LYPD5: variants seen among roughly 807,000 people sequenced by gnomAD.
LYPD5 encodes ly6/PLAUR domain-containing protein 5.
In LYPD5, 21 loss-of-function variants were observed where a neutral mutation model predicts 19.1. The ratio of observed to expected loss-of-function variants is 1.10; its 90% CI spans 0.78 to 1.58. LYPD5 has a LOEUF of 1.58. Ranked by LOEUF, LYPD5 falls within the 40% of genes most tolerant of loss-of-function variation. The pLI is 0.00. For synonymous variants in LYPD5, 128 were observed against 142.7 expected, an observed-to-expected ratio of 0.90 and a Z score of 0.74; for missense variants, 287 against 329.8, an observed-to-expected ratio of 0.87 and a Z score of 1.00.
chr19:43,805,983 C>T (rs561354665), upstream of LYPD5, among the ~76,000 whole-genome samples: 21 of 152,254 alleles, frequency 1.4e-4, no homozygotes, highest in African/African-American at 4.8e-4. Flanking sequence ...AAACAACTCC[C>T]CTTTCTTCTA....
intron 1 of LYPD5, among the ~76,000 whole-genome samples, chr19:43,810,173 G>A (rs193110695): frequency 6.6e-6 from 1 of 152,306 alleles, no homozygotes; most frequent in Admixed American, 6.5e-5. Flanking sequence ...CATGGTGACA[G>A]TAGAATCATG....
intron 1 of LYPD5, among the ~76,000 whole-genome samples, chr19:43,819,139 T>C (rs989839751): frequency 3.9e-5 from 6 of 152,140 alleles, no homozygotes; most frequent in African/African-American, 1.4e-4. Context: ...TTAGCCTCTA[T>C]TGCATCAGTG....
chr19:43,815,437 G>A (rs184428181), intron 1 of LYPD5, among the ~76,000 whole-genome samples: 22 of 152,064 alleles, frequency 1.4e-4, no homozygotes, highest in Non-Finnish European at 2.9e-4. Context: ...AGCTGTGCAC[G>A]GTGGCATGTG....
chr19:43,812,335 T>TTCTATCTATCTATCTATCTA (rs61040752), intron 1 of LYPD5, among the ~76,000 whole-genome samples: 211 of 143,394 alleles, frequency 1.5e-3, no homozygotes, highest in East Asian at 3.7e-3. Flanking sequence ...TGGTTATTTT[T>TTCTATCTATCTATCTATCTA]TCTATCTATC....
rs1285657279 is a variant in LYPD5, at chr19:43,796,077, G to C, written c.*1514C>G. On this transcript the variant is annotated 3_prime_UTR_variant, in exon 5 of 5. Coordinates refer to ENST00000377950, the MANE Select transcript of LYPD5 (RefSeq NM_001031749.3). ...TGTTCTCATGTGGTGGAAGGGGCAA[G>C]GCAGCTCTCCAGGGCCTCTTTTATA... 3 of 152,204 alleles carry C rather than the reference G, an allele frequency of 2.0e-5. No homozygotes were observed. The highest frequency in any genetic ancestry group is 7.2e-5 in the African/African-American group (3 of 41,432). The allele number at this position is 152,204 out of a possible 1,614,324, so 9.4% of individuals were successfully genotyped here.
intron 1 of LYPD5, among the ~76,000 whole-genome samples, chr19:43,819,708 A>C (rs1032834638): frequency 6.6e-6 from 1 of 152,176 alleles, no homozygotes; most frequent in African/African-American, 2.4e-5. Flanking sequence ...CACTCTCCCA[A>C]ACCAGTGTTT....
upstream of LYPD5, chr19:43,802,544 C>CTTA: frequency 2.2e-6 from 1 of 456,014 alleles, no homozygotes; most frequent in East Asian, 3.4e-5. Flanking sequence ...GTGATGGAAA[C>CTTA]AGGGTGATCC....
upstream of LYPD5, among the ~76,000 whole-genome samples, chr19:43,804,860 T>C (rs1158996570): frequency 6.6e-6 from 1 of 152,196 alleles, no homozygotes; most frequent in Non-Finnish European, 1.5e-5. Context: ...CTGAAGGTCT[T>C]CACAGCAGTT....
upstream of LYPD5, among the ~76,000 whole-genome samples, chr19:43,803,952 C>A (rs1290136405): frequency 6.6e-6 from 1 of 152,174 alleles, no homozygotes; most frequent in Non-Finnish European, 1.5e-5. Flanking sequence ...ATTCTTCTGC[C>A]TCAGCCTCCC....
At chr19:43,813,698 T>C (rs1970345453) in intron 1 of LYPD5, among the ~76,000 whole-genome samples, 2 of 152,212 alleles carry the variant, frequency 1.3e-5, no homozygotes, top group Non-Finnish European at 2.9e-5. Flanking sequence ...TTTATGTATT[T>C]ATTTATTGAG....
upstream of LYPD5, among the ~76,000 whole-genome samples, chr19:43,803,189 G>T (rs934077061): frequency 7.2e-5 from 11 of 151,752 alleles, 1 homozygote; most frequent in Admixed American, 7.2e-4. Flanking sequence ...GGTGAAGAGG[G>T]ACACCCCGAT....
chr19:43,799,891 T>G (rs1970200442), intron 1 of LYPD5, 57 bp from the exon 2 acceptor site: 2 of 1,539,700 alleles, frequency 1.3e-6, no homozygotes, highest in Admixed American at 2.0e-5. Flanking sequence ...TCCCAGGAAC[T>G]CAGAGCTCCA....
intron 1 of LYPD5, among the ~76,000 whole-genome samples, chr19:43,807,526 C>T (rs1245764781): frequency 6.6e-6 from 1 of 152,074 alleles, no homozygotes; most frequent in African/African-American, 2.4e-5. Flanking sequence ...TCAGGTGATC[C>T]GCCTGCCTCG....
intron 1 of LYPD5, among the ~76,000 whole-genome samples, chr19:43,816,669 A>G (rs1310799501): frequency 1.3e-5 from 2 of 152,264 alleles, no homozygotes; most frequent in Non-Finnish European, 2.9e-5. Flanking sequence ...AGTAGTCACT[A>G]TGAATTAGCT....
intron 1 of LYPD5, among the ~76,000 whole-genome samples, chr19:43,820,206 G>T (rs1254437946): frequency 2.0e-5 from 3 of 152,154 alleles, no homozygotes; most frequent in Non-Finnish European, 4.4e-5. Context: ...CACACATGCA[G>T]TCACGAAGAC....
chr19:43,815,386 C>T (rs1365620709), intron 1 of LYPD5, among the ~76,000 whole-genome samples: 3 of 151,550 alleles, frequency 2.0e-5, no homozygotes, highest in Non-Finnish European at 4.4e-5. Context: ...CCAGCATGGG[C>T]AACACACGGA....
At chr19:43,799,655 C>T (rs376531706) in intron 2 of LYPD5, 51 bp downstream of exon 2, 10 of 1,561,956 alleles carry the variant, frequency 6.4e-6, no homozygotes, top group South Asian at 1.2e-5. Flanking sequence ...CCCTCTCCCC[C>T]CTTTTTCCTC....
intron 1 of LYPD5, among the ~76,000 whole-genome samples, chr19:43,811,274 G>T (rs1970321464): frequency 6.8e-6 from 1 of 145,996 alleles, no homozygotes; most frequent in African/African-American, 2.5e-5. Context: ...GAGCCCAGGA[G>T]ATTGAGGGAA....
At chr19:43,815,577 A>C (rs1158689606) in intron 1 of LYPD5, among the ~76,000 whole-genome samples, 1 of 151,972 alleles carries the variant, frequency 6.6e-6, no homozygotes, top group Non-Finnish European at 1.5e-5. Flanking sequence ...TCTGTCTAAA[A>C]CAAAAACAAA....
Sources: allele counts gnomAD v4.1 joint callset (sites outside exome capture counted in the v4.1 genomes callset), GRCh38; gene constraint gnomAD v4.1.1; transcripts MANE v1.5; gene names NCBI Gene and HGNC (gene_info 2026-07-23, HGNC 2026-07-21).